Variants in SEMA3E observed in about 807,000 individuals in gnomAD.
The protein encoded by SEMA3E is semaphorin-3E.
In SEMA3E, 49 loss-of-function variants were observed where a neutral mutation model predicts 93.6. That is an observed-to-expected ratio of 0.52 (90% CI 0.42 to 0.66). SEMA3E has a LOEUF of 0.66. Among genes scored for constraint, SEMA3E ranks in the 30% least tolerant of loss-of-function variants. The pLI is 0.00. For missense variants in SEMA3E, 906 were observed against 964.8 expected (o/e 0.94, Z 0.81); for synonymous variants, 363 against 330.7 (o/e 1.10, Z -1.06).
intron 14 of SEMA3E, among the ~76,000 whole-genome samples, chr7:83,391,590 T>A (rs1377965969): frequency 1.7e-5 from 2 of 114,420 alleles, no homozygotes; most frequent in East Asian, 7.2e-4. Flanking sequence ...TACTATCCAC[T>A]TATTATATCA....
chr7:83,470,889 G>T (rs1350502457), intron 2 of SEMA3E, among the ~76,000 whole-genome samples: 7 of 130,082 alleles, frequency 5.4e-5, no homozygotes, highest in Admixed American at 3.5e-4. Flanking sequence ...GGATCTTAAA[G>T]TGGAAAACAT....
At chr7:83,510,486 C>T (rs1790795278) in intron 1 of SEMA3E, among the ~76,000 whole-genome samples, 1 of 152,082 alleles carries the variant, frequency 6.6e-6, no homozygotes, top group East Asian at 1.9e-4. Context: ...TTGCATATCC[C>T]AGTAGATATA....
At chr7:83,407,540 A>G (rs944866769) in intron 6 of SEMA3E, among the ~76,000 whole-genome samples, 4 of 152,162 alleles carry the variant, frequency 2.6e-5, no homozygotes, top group African/African-American at 7.2e-5. Context: ...TGCATTCAGG[A>G]AAGAGCAGAT....
intron 2 of SEMA3E, among the ~76,000 whole-genome samples, chr7:83,471,563 T>A (rs1789894658): frequency 6.6e-6 from 1 of 152,028 alleles, no homozygotes; most frequent in Admixed American, 6.6e-5. Context: ...GCTAGGTGGC[T>A]GTAGCACTGA....
chr7:83,376,962 A>AG (rs1465932939), intron 16 of SEMA3E, among the ~76,000 whole-genome samples: 3 of 151,986 alleles, frequency 2.0e-5, no homozygotes, highest in Non-Finnish European at 2.9e-5. Context: ...ATGGGCCAGC[A>AG]GTTTTCTTGT....
intron 1 of SEMA3E, among the ~76,000 whole-genome samples, chr7:83,600,130 C>T (rs1424626895): frequency 6.6e-6 from 1 of 152,066 alleles, no homozygotes; most frequent in East Asian, 1.9e-4. Flanking sequence ...CGATAACAGA[C>T]TTTTCTATTC....
chr7:83,616,747 G>A (rs185119780), intron 1 of SEMA3E: 11 of 443,610 alleles, frequency 2.5e-5, no homozygotes, highest in Non-Finnish European at 3.6e-5. Flanking sequence ...TTTTTGAGAC[G>A]AAGTTTTGCT....
chr7:83,541,905 G>A (rs1791542163), intron 1 of SEMA3E, among the ~76,000 whole-genome samples: 1 of 151,996 alleles, frequency 6.6e-6, no homozygotes. Context: ...CTCTAGAAGA[G>A]GCCCTGGAAT....
At chr7:83,368,173 C>T (rs1362184370) in intron 16 of SEMA3E, 135 bp from the exon 17 acceptor site, 1 of 737,842 alleles carries the variant, frequency 1.4e-6, no homozygotes, top group Non-Finnish European at 2.3e-6. Context: ...CATACATACA[C>T]AAAAATGCTA....
At chr7:83,527,530 T>C (rs2115711345) in intron 1 of SEMA3E, among the ~76,000 whole-genome samples, 1 of 152,272 alleles carries the variant, frequency 6.6e-6, no homozygotes. Flanking sequence ...TTATCTTAGG[T>C]ATTCAAGAAT....
chr7:83,532,346 A>G (rs1791319384), intron 1 of SEMA3E, among the ~76,000 whole-genome samples: 1 of 152,170 alleles, frequency 6.6e-6, no homozygotes, highest in Non-Finnish European at 1.5e-5. Context: ...AAGTGATTTA[A>G]TATTTATTTC....
intron 1 of SEMA3E, among the ~76,000 whole-genome samples, chr7:83,541,933 T>C (rs36089053): frequency 1.7e-3 from 256 of 152,060 alleles, no homozygotes; most frequent in Admixed American, 4.6e-3. Flanking sequence ...TTTAAGGAAA[T>C]AGAATCTGCA....
chr7:83,538,896 T>C (rs73708248), intron 1 of SEMA3E, among the ~76,000 whole-genome samples: 2,987 of 152,298 alleles, frequency 0.02, 63 homozygotes, highest in African/African-American at 0.056. Flanking sequence ...TTCTCAATTG[T>C]CTAGGGATTC....
intron 7 of SEMA3E, among the ~76,000 whole-genome samples, 192 bp downstream of exon 7, chr7:83,406,905 G>T (rs2709940): frequency 6.6e-6 from 1 of 151,882 alleles, no homozygotes; most frequent in Non-Finnish European, 1.5e-5. Context: ...GGAAAATCAT[G>T]CAAAATACAA....
intron 10 of SEMA3E, among the ~76,000 whole-genome samples, chr7:83,401,173 C>T (rs1425608389): frequency 2.6e-5 from 4 of 152,060 alleles, no homozygotes; most frequent in Non-Finnish European, 5.9e-5. Context: ...AAATTAAATA[C>T]TCAACAGTAG....
intron 1 of SEMA3E, among the ~76,000 whole-genome samples, chr7:83,511,129 C>G (rs1369586611): frequency 6.6e-6 from 1 of 152,070 alleles, no homozygotes; most frequent in Non-Finnish European, 1.5e-5. Flanking sequence ...TTCCTGTAGT[C>G]TGTAGGGTTT....
chr7:83,476,905 C>A (rs1026633216), intron 2 of SEMA3E, among the ~76,000 whole-genome samples: 4 of 152,148 alleles, frequency 2.6e-5, no homozygotes, highest in Non-Finnish European at 5.9e-5. Flanking sequence ...CATCACAATA[C>A]CCCTACAATA....
intron 1 of SEMA3E, among the ~76,000 whole-genome samples, chr7:83,537,355 T>C (rs1196156646): frequency 2.0e-5 from 3 of 152,186 alleles, no homozygotes; most frequent in South Asian, 2.1e-4. Flanking sequence ...TTTCTTCCCC[T>C]CCAATTCACA....
intron 1 of SEMA3E, among the ~76,000 whole-genome samples, chr7:83,546,471 G>T (rs1353615): frequency 0.33 from 50,297 of 150,878 alleles, 10,261 homozygotes; most frequent in African/African-American, 0.57. Context: ...TAGCATGGGA[G>T]TAAGAACTGG....
Sources: gnomAD v4.1 joint callset for allele counts (sites outside exome capture counted in the v4.1 genomes callset) on GRCh38, gnomAD v4.1.1 for gene constraint, MANE v1.5 for transcripts, NCBI Gene and HGNC (gene_info 2026-07-23, HGNC 2026-07-21) for gene names.